Variants in SDK1 observed in about 807,000 individuals in gnomAD.
SDK1 encodes protein sidekick-1.
In SDK1, 157 loss-of-function variants were observed where a neutral mutation model predicts 245.5. That is an observed-to-expected ratio of 0.64 (90% CI 0.56 to 0.73). The LOEUF is 0.73. Among genes scored for constraint, SDK1 ranks in the 30% least tolerant of loss-of-function variants. The pLI is 0.00. For missense variants in SDK1, 3,583 were observed against 3,002.3 expected (o/e 1.19, Z -4.52); for synonymous variants, 1,647 against 1,278.5 (o/e 1.29, Z -6.15).
intron 5 of SDK1, among the ~76,000 whole-genome samples, chr7:3,877,553 A>T (rs1781104913): frequency 6.6e-6 from 1 of 152,200 alleles, no homozygotes; most frequent in Non-Finnish European, 1.5e-5. Context: ...TTCTAGAGAA[A>T]AATCTTTAGA....
At chr7:3,588,674 G>A (rs1241972351) in intron 1 of SDK1, among the ~76,000 whole-genome samples, 1 of 152,168 alleles carries the variant, frequency 6.6e-6, no homozygotes, top group Non-Finnish European at 1.5e-5. Context: ...CTCACTGATG[G>A]AATTATTTTA....
chr7:3,994,322 C>T (rs1043298376), intron 14 of SDK1, among the ~76,000 whole-genome samples: 17 of 152,164 alleles, frequency 1.1e-4, no homozygotes, highest in African/African-American at 3.6e-4. Flanking sequence ...TCATCTGACC[C>T]CAAAGTTGTT....
chr7:3,640,899 G>A (rs917512251), intron 3 of SDK1, among the ~76,000 whole-genome samples: 1 of 152,144 alleles, frequency 6.6e-6, no homozygotes, highest in African/African-American at 2.4e-5. Flanking sequence ...GGCCAGGCTG[G>A]TGTCAAATTC....
chr7:3,538,684 G>C (rs766966420), intron 1 of SDK1, among the ~76,000 whole-genome samples: 1 of 152,098 alleles, frequency 6.6e-6, no homozygotes, highest in South Asian at 2.1e-4. Flanking sequence ...CTGCCCACCC[G>C]GCTACTTCTG....
chr7:3,952,734 G>A (rs1205656347), intron 7 of SDK1, among the ~76,000 whole-genome samples: 3 of 151,660 alleles, frequency 2.0e-5, no homozygotes, highest in African/African-American at 4.8e-5. Context: ...CAAACTGGGC[G>A]ACATATTATT....
Position 4,158,528 on chromosome 7 carries a change from A to G in SDK1, c.4706A>G (p.Glu1569Gly). 6.2e-7 allele frequency: 1 copy of G among 1,613,624 alleles called. No homozygotes were observed. The highest frequency in any genetic ancestry group is 8.5e-7 in the Non-Finnish European group (1 of 1,179,842). Residue 1569 changes from glutamate to glycine, a missense_variant, in exon 31 of 45, where the codon GAG becomes GGG. Glu to Gly is a moderately conservative substitution (Grantham distance 98). Transcript: ENST00000404826. ...GACAGTGACTTCAGTTCAGAGACAGAGGCGGTGACCACGCTGCAGGATGGT... is the reference window on the plus strand; with the variant it reads ...GACAGTGACTTCAGTTCAGAGACAGGGGCGGTGACCACGCTGCAGGATGGT... ...IGDSDFSSET[E>G]AVTTLQDVPG...
intron 1 of SDK1, among the ~76,000 whole-genome samples, chr7:3,614,067 C>T (rs1781687177): frequency 6.6e-6 from 1 of 152,024 alleles, no homozygotes. Flanking sequence ...TACAACAAAC[C>T]CCCATAGCAC....
chr7:4,195,576 A>G (rs1783529709), intron 35 of SDK1, among the ~76,000 whole-genome samples: 1 of 152,130 alleles, frequency 6.6e-6, no homozygotes, highest in Non-Finnish European at 1.5e-5. Flanking sequence ...GGGCGCACCC[A>G]CAAGTTCCTT....
intron 32 of SDK1, among the ~76,000 whole-genome samples, chr7:4,167,845 C>T (rs540764972): frequency 6.6e-6 from 1 of 152,322 alleles, no homozygotes; most frequent in South Asian, 2.1e-4. Context: ...CTGTCTTGGG[C>T]ACAGGGTTGA....
intron 19 of SDK1, among the ~76,000 whole-genome samples, chr7:4,064,988 A>C (rs955008726): frequency 6.6e-6 from 1 of 152,174 alleles, no homozygotes; most frequent in African/African-American, 2.4e-5. Flanking sequence ...GTAAGTTCCA[A>C]TGCTCCGTGG....
intron 22 of SDK1, among the ~76,000 whole-genome samples, chr7:4,102,411 C>T (rs1232118957): frequency 2.6e-5 from 4 of 152,142 alleles, no homozygotes; most frequent in Non-Finnish European, 4.4e-5. Context: ...AGGCAGGGTG[C>T]GCTTGGCTTG....
intron 4 of SDK1, among the ~76,000 whole-genome samples, chr7:3,682,727 T>TAG (rs1784145401): frequency 6.6e-6 from 1 of 152,136 alleles, no homozygotes; most frequent in Admixed American, 6.5e-5. Context: ...TTACAGTTTT[T>TAG]TTTTTTTTTA....
chr7:3,511,808 T>TA (rs397973404), intron 1 of SDK1, among the ~76,000 whole-genome samples: 6 of 150,630 alleles, frequency 4.0e-5, no homozygotes, highest in Middle Eastern at 3.2e-3. Flanking sequence ...TGTTTTTTTT[T>TA]AACTTTTTAG....
At chr7:4,244,981 G>A (rs1305115391) in intron 43 of SDK1, among the ~76,000 whole-genome samples, 1 of 152,168 alleles carries the variant, frequency 6.6e-6, no homozygotes, top group East Asian at 1.9e-4. Flanking sequence ...CCAAGATAGG[G>A]TCTCCTAATG....
intron 4 of SDK1, among the ~76,000 whole-genome samples, chr7:3,802,539 A>G (rs1159918844): frequency 6.6e-6 from 1 of 151,866 alleles, no homozygotes; most frequent in African/African-American, 2.4e-5. Flanking sequence ...TATATCAAAA[A>G]AAAAAAAAGT....
intron 1 of SDK1, among the ~76,000 whole-genome samples, chr7:3,518,704 A>C (rs140041471): frequency 1.3e-5 from 2 of 152,284 alleles, no homozygotes; most frequent in Non-Finnish European, 2.9e-5. Flanking sequence ...ATACGGAGAA[A>C]AGGGAACTCT....
chr7:3,589,484 C>T (rs536978110), intron 1 of SDK1, among the ~76,000 whole-genome samples: 2 of 152,148 alleles, frequency 1.3e-5, no homozygotes, highest in African/African-American at 2.4e-5. Flanking sequence ...GCTGTGAGCA[C>T]CATTTTTGGA....
chr7:3,853,046 A>C (rs1458823816), intron 5 of SDK1, among the ~76,000 whole-genome samples: 1 of 151,694 alleles, frequency 6.6e-6, no homozygotes, highest in Non-Finnish European at 1.5e-5. Flanking sequence ...CCATTCCAGG[A>C]CCCCTGCATG....
chr7:3,620,881 C>T (rs1469446545), intron 2 of SDK1, among the ~76,000 whole-genome samples: 1 of 114,126 alleles, frequency 8.8e-6, no homozygotes, highest in Non-Finnish European at 2.0e-5. Context: ...CATTATTGGG[C>T]CTACCCTGTT....
Sources: gnomAD v4.1 joint callset for allele counts (sites outside exome capture counted in the v4.1 genomes callset) on GRCh38, gnomAD v4.1.1 for gene constraint, MANE v1.5 for transcripts, NCBI Gene and HGNC (gene_info 2026-07-23, HGNC 2026-07-21) for gene names.